CADM2: variants seen among roughly 807,000 people sequenced by gnomAD.
The protein encoded by CADM2 is immunoglobulin superfamily member 4D.
Under a neutral mutation model 49.8 loss-of-function variants are expected in CADM2, and 12 were observed. The ratio of observed to expected loss-of-function variants is 0.24; its 90% confidence interval spans 0.15 to 0.39. The LOEUF is 0.39. CADM2 is among the 10% of genes least tolerant of loss of function. The probability of loss-of-function intolerance (pLI) is 1.00; values close to 1 mark genes in which losing one functional copy is unlikely to be tolerated. For missense variants in CADM2, 378 were observed against 492.3 expected, an observed-to-expected ratio of 0.77 and a Z score of 2.20; for synonymous variants, 214 against 175.4, an observed-to-expected ratio of 1.22 and a Z score of -1.74.
chr3:84,986,393 C>A (rs555266307), intron 1 of CADM2, among the ~76,000 whole-genome samples: 4 of 152,216 alleles, frequency 2.6e-5, no homozygotes, highest in Non-Finnish European at 5.9e-5. Context: ...CTCCATCTCC[C>A]ACTACTATTA....
chr3:85,281,277 G>A (rs1559757146), intron 1 of CADM2, among the ~76,000 whole-genome samples: 1 of 151,826 alleles, frequency 6.6e-6, no homozygotes, highest in Non-Finnish European at 1.5e-5. Context: ...TATTAGATCA[G>A]GGTTAATAGA....
intron 1 of CADM2, among the ~76,000 whole-genome samples, chr3:85,504,094 G>T (rs893542117): frequency 6.6e-6 from 1 of 152,198 alleles, no homozygotes; most frequent in Non-Finnish European, 1.5e-5. Flanking sequence ...CTCGCGGTGA[G>T]TGTTACAGTT....
At chr3:85,511,908 G>T in intron 1 of CADM2, 1 of 969,376 alleles carries the variant, frequency 1.0e-6, no homozygotes, top group Non-Finnish European at 1.2e-6. Flanking sequence ...GGTAAAACAA[G>T]AAAAAGTGGT....
rs3044028 is a variant in CADM2, at chr3:85,752,472, GCACACA to G, written c.88+25948_88+25953del. 6.6e-4 allele frequency among the ~76,000 whole-genome samples: 98 copies of G among 147,862 alleles called. 1 individual carries two copies. The highest frequency in any genetic ancestry group is 3.5e-3 in the East Asian group (17 of 4,900). ...CTCCTTATGTCTCATATGTGTGCGT[GCACACA>G]CACACACACACACACACACACACTA... On this transcript the variant is annotated intron_variant, in intron 2 of 9. Transcript: ENST00000383699.
chr3:86,064,925 C>A (rs914559692), intron 8 of CADM2, among the ~76,000 whole-genome samples: 2 of 152,174 alleles, frequency 1.3e-5, no homozygotes, highest in Non-Finnish European at 2.9e-5. Flanking sequence ...CTTCCTCTAT[C>A]AACAGCATTT....
chr3:85,077,318 T>A (rs1478548846), intron 1 of CADM2, among the ~76,000 whole-genome samples: 2 of 152,188 alleles, frequency 1.3e-5, no homozygotes, highest in Non-Finnish European at 2.9e-5. Context: ...AAGGCTCTAA[T>A]AATAAGTGAT....
chr3:85,336,194 C>A (rs2045074285), intron 1 of CADM2, among the ~76,000 whole-genome samples: 1 of 151,462 alleles, frequency 6.6e-6, no homozygotes, highest in African/African-American at 2.4e-5. Flanking sequence ...TTGAGAATCT[C>A]CTCATTGCCA....
chr3:85,575,910 A>T (rs925440001), intron 1 of CADM2, among the ~76,000 whole-genome samples: 12 of 152,240 alleles, frequency 7.9e-5, no homozygotes, highest in Admixed American at 7.2e-4. Flanking sequence ...ACGTGTAGAC[A>T]GAAGTGAAAA....
chr3:85,383,019 T>G (rs925268779), intron 1 of CADM2, among the ~76,000 whole-genome samples: 1 of 152,112 alleles, frequency 6.6e-6, no homozygotes, highest in Non-Finnish European at 1.5e-5. Context: ...AGGAGTACAC[T>G]ACTGTAACAA....
intron 2 of CADM2, among the ~76,000 whole-genome samples, chr3:85,752,757 C>T (rs559881503): frequency 6.6e-6 from 1 of 151,636 alleles, no homozygotes; most frequent in Non-Finnish European, 1.5e-5. Flanking sequence ...ATTTTTTTTT[C>T]TGCAAGTAAA....
chr3:85,949,630 A>G (rs1481416651), intron 7 of CADM2, among the ~76,000 whole-genome samples: 1 of 151,208 alleles, frequency 6.6e-6, no homozygotes, highest in Admixed American at 6.6e-5. Context: ...TTAAGTTTCA[A>G]TTATCTTCAA....
At position 85,947,564 on chromosome 3, in the gene CADM2, T is replaced by C. The variant is rs1722901869; in HGVS notation, c.791+11707T>C. On this transcript the variant is annotated intron_variant, in intron 7 of 9. Transcript: ENST00000383699. ...ATTTTCAAAATTGAAAAAAAAAATG[T>C]GTGCAGTCCTTTCCATAATGAGTTT... is the stretch of plus-strand genomic sequence containing the variant. Among the ~76,000 whole-genome samples, 3 of 151,494 alleles carry C rather than the reference T, an allele frequency of 2.0e-5. No individual in the cohort carries two copies. In the Admixed American group the frequency reaches 2.0e-4, roughly 10 times the overall value.
intron 1 of CADM2, among the ~76,000 whole-genome samples, chr3:85,163,668 T>G (rs572191982): frequency 6.6e-6 from 1 of 152,062 alleles, no homozygotes; most frequent in Non-Finnish European, 1.5e-5. Context: ...CTATGACAGT[T>G]CTTACTCATT....
intron 1 of CADM2, among the ~76,000 whole-genome samples, chr3:85,544,296 A>T (rs1206417225): frequency 6.6e-6 from 1 of 152,090 alleles, no homozygotes; most frequent in Non-Finnish European, 1.5e-5. Context: ...AAAAAAGAGG[A>T]GGCCGGGCGC....
At chr3:85,364,452 T>C (rs1428675967) in intron 1 of CADM2, among the ~76,000 whole-genome samples, 6 of 152,162 alleles carry the variant, frequency 3.9e-5, no homozygotes, top group South Asian at 2.1e-4. Flanking sequence ...GGAAACACTA[T>C]AGATATCCAT....
At chr3:85,553,758 T>C (rs1365502630) in intron 1 of CADM2, among the ~76,000 whole-genome samples, 6 of 152,168 alleles carry the variant, frequency 3.9e-5, no homozygotes, top group Non-Finnish European at 8.8e-5. Context: ...GTAGTCCCAC[T>C]CACCTAGTGA....
At chr3:85,761,973 CTTGTT>C (rs1200660855) in intron 2 of CADM2, among the ~76,000 whole-genome samples, 2 of 152,084 alleles carry the variant, frequency 1.3e-5, no homozygotes, top group African/African-American at 4.8e-5. Context: ...ACAGCCACTC[CTTGTT>C]TTGTTTTAAG....
chr3:85,263,609 C>G (rs1231603748), intron 1 of CADM2, among the ~76,000 whole-genome samples: 1 of 152,082 alleles, frequency 6.6e-6, no homozygotes, highest in Non-Finnish European at 1.5e-5. Context: ...CAGTGCTCTT[C>G]CACACTAACA....
At chr3:85,432,699 A>T (rs1162004562) in intron 1 of CADM2, among the ~76,000 whole-genome samples, 2 of 152,180 alleles carry the variant, frequency 1.3e-5, no homozygotes, top group East Asian at 3.8e-4. Flanking sequence ...GGTGCTTTTG[A>T]AATGTCAGTA....
Sources: gnomAD v4.1 joint callset for allele counts (sites outside exome capture counted in the v4.1 genomes callset) on GRCh38, gnomAD v4.1.1 for gene constraint, MANE v1.5 for transcripts, NCBI Gene and HGNC (gene_info 2026-07-23, HGNC 2026-07-21) for gene names.